Variants in CALN1 observed in about 807,000 individuals in gnomAD.
CALN1 encodes calcium-binding protein 8.
A neutral mutation model predicts 30.6 loss-of-function variants in CALN1; 17 were observed. That is an observed-to-expected ratio of 0.56 (90% CI 0.38 to 0.83). CALN1 has a LOEUF of 0.83. Ranked by LOEUF, CALN1 falls within the 40% of genes least tolerant of loss-of-function variation. CALN1 has a pLI of 0.00. For synonymous variants in CALN1, 156 were observed against 131.4 expected, an observed-to-expected ratio of 1.19 and a Z score of -1.28; for missense variants, 291 against 354.9, an observed-to-expected ratio of 0.82 and a Z score of 1.45.
At chr7:72,181,991 T>C (rs1432804856) in intron 3 of CALN1, among the ~76,000 whole-genome samples, 1 of 152,206 alleles carries the variant, frequency 6.6e-6, no homozygotes, top group African/African-American at 2.4e-5. Context: ...AGCAGCTGTT[T>C]ATAAACACAG....
chr7:71,795,272 G>T (rs1014399105), intron 6 of CALN1, among the ~76,000 whole-genome samples: 1 of 151,960 alleles, frequency 6.6e-6, no homozygotes, highest in Non-Finnish European at 1.5e-5. Context: ...CATCCGCCTC[G>T]GCCTCCCAAA....
At chr7:71,948,653 C>T (rs1461492826) in intron 5 of CALN1, among the ~76,000 whole-genome samples, 1 of 150,852 alleles carries the variant, frequency 6.6e-6, no homozygotes, top group Admixed American at 6.6e-5. Flanking sequence ...ATCGCTTGAA[C>T]ACAGGAGGTA....
rs149108597 is a variant in CALN1, at chr7:72,281,822, T to G, written c.120-3012A>C. Among the ~76,000 whole-genome samples, 44 of 152,256 alleles carry G rather than the reference T, an allele frequency of 2.9e-4. No homozygotes were observed. In the East Asian group the frequency reaches 3.5e-3, roughly 12 times the overall value. On this transcript the variant is annotated intron_variant, in intron 2 of 6. Transcript: ENST00000395275. ...TACAGTCATAATAAGGATGTTATAC[T>G]CAAGCAAGCATCTCCAACCCACGCC...
At chr7:72,312,040 T>C (rs996521026) in intron 2 of CALN1, among the ~76,000 whole-genome samples, 5 of 152,044 alleles carry the variant, frequency 3.3e-5, no homozygotes, top group Non-Finnish European at 1.5e-5. Context: ...CCCCAAAGGA[T>C]ACTGTTGACA....
intron 5 of CALN1, among the ~76,000 whole-genome samples, chr7:71,923,250 C>T (rs953252476): frequency 6.6e-6 from 1 of 152,192 alleles, no homozygotes; most frequent in Non-Finnish European, 1.5e-5. Context: ...AAAAAGCCTA[C>T]AGCCAACCTC....
At position 72,177,909 on chromosome 7, in the gene CALN1, C is replaced by T. The variant is rs6971147; in HGVS notation, c.245-71615G>A. Among the ~76,000 whole-genome samples the T allele has an allele frequency of 1.0e-3, 158 of 152,228 alleles. 1 individual carries two copies. The highest frequency in any genetic ancestry group is 3.6e-3 in the African/African-American group (151 of 41,544). On this transcript the variant is annotated intron_variant, in intron 3 of 6. Coordinates refer to ENST00000395275, the MANE Select transcript of CALN1 (RefSeq NM_031468.4). ...GTTCGCGTCCCTTAGCACCTCCACC[C>T]GGTGCTGATCCAGGGCAACAATAAA...
chr7:71,989,331 A>T (rs1338875856), intron 5 of CALN1, among the ~76,000 whole-genome samples: 1 of 152,122 alleles, frequency 6.6e-6, no homozygotes, highest in Non-Finnish European at 1.5e-5. Flanking sequence ...CCAGCTACTC[A>T]GGAGGCTGAG....
chr7:72,011,488 T>C (rs1800079910), intron 5 of CALN1, among the ~76,000 whole-genome samples: 1 of 152,176 alleles, frequency 6.6e-6, no homozygotes, highest in South Asian at 2.1e-4. Context: ...AGACCCCTGT[T>C]CCCTCTCCTG....
chr7:71,852,967 G>A (rs913124140), intron 5 of CALN1, among the ~76,000 whole-genome samples: 18 of 152,232 alleles, frequency 1.2e-4, no homozygotes, highest in Non-Finnish European at 2.5e-4. Flanking sequence ...TTCTGCTTAC[G>A]ACTCTTTTCT....
intron 2 of CALN1, among the ~76,000 whole-genome samples, chr7:72,355,326 G>C (rs1803162486): frequency 6.6e-6 from 1 of 151,442 alleles, no homozygotes; most frequent in South Asian, 2.1e-4. Context: ...AGGAGTTCAA[G>C]ACCAGCCTGG....
At position 72,040,323 on chromosome 7, in the gene CALN1, T is replaced by TA. The variant is rs11316833; in HGVS notation, c.389-16555dup. Among the ~76,000 whole-genome samples the TA allele has an allele frequency of 3.0e-3, 423 of 141,722 alleles. 1 individual carries two copies. Among genetic ancestry groups the TA allele is most frequent in the East Asian group, 4.9e-3 (23 of 4,714 alleles). The allele number at this position is 141,722 out of a possible 152,430, so 93.0% of individuals were successfully genotyped here. On this transcript the variant is annotated intron_variant, in intron 4 of 6. Coordinates refer to ENST00000395275, the MANE Select transcript of CALN1 (RefSeq NM_031468.4). ...GAGCTCATCCTTACAAAAATTACAA[T>TA]AAAAAAAAAAAAATAGCCAGCTGTG...
intron 6 of CALN1, among the ~76,000 whole-genome samples, chr7:71,806,586 C>T (rs189994548): frequency 9.9e-5 from 15 of 152,194 alleles, no homozygotes; most frequent in Admixed American, 8.5e-4. Flanking sequence ...GGATTACAGG[C>T]GTGAGCCATT....
At chr7:72,081,337 G>C (rs1408781779) in intron 4 of CALN1, among the ~76,000 whole-genome samples, 1 of 150,260 alleles carries the variant, frequency 6.7e-6, no homozygotes, top group African/African-American at 2.4e-5. Flanking sequence ...TAGAATTGCA[G>C]GAAGTCACAA....
chr7:72,447,552 ACTGC>A (rs755939007), upstream of CALN1, among the ~76,000 whole-genome samples: 1 of 152,146 alleles, frequency 6.6e-6, no homozygotes, highest in East Asian at 1.9e-4. Flanking sequence ...TGCACGGGAC[ACTGC>A]CTGGGGAAAG....
At chr7:71,969,299 G>A (rs80241811) in intron 5 of CALN1, among the ~76,000 whole-genome samples, 2 of 152,136 alleles carry the variant, frequency 1.3e-5, no homozygotes, top group East Asian at 3.9e-4. Flanking sequence ...TGTCTGACAT[G>A]CATTCTCGGT....
Position 71,812,932 on chromosome 7 carries a change from T to TC in CALN1, c.502-2441_502-2440insG, listed in dbSNP as rs1562802121. ...CTATTTTATTTATCATCATCATCAT[T>TC]ATTATTATTATTATTATTATTATTA... On this transcript the variant is annotated intron_variant, in intron 5 of 6. Transcript: ENST00000395275. Among the ~76,000 whole-genome samples, 102 of 27,960 alleles carry TC rather than the reference T, an allele frequency of 3.6e-3. 1 individual carries two copies. Among genetic ancestry groups the TC allele is most frequent in the African/African-American group, 5.3e-3 (73 of 13,744 alleles). 18.3% of individuals were successfully genotyped at this position (27,960 alleles called of 152,430 possible). A position where few individuals can be genotyped will look rare whatever the true frequency, so the allele number is the denominator to read the frequency against.
chr7:72,227,203 G>T (rs1348213719), intron 3 of CALN1, among the ~76,000 whole-genome samples: 1 of 149,414 alleles, frequency 6.7e-6, no homozygotes, highest in South Asian at 2.1e-4. Context: ...TAACAAATCT[G>T]CACAGTACCC....
At chr7:72,237,441 C>A (rs546842075) in intron 3 of CALN1, among the ~76,000 whole-genome samples, 56 of 152,168 alleles carry the variant, frequency 3.7e-4, no homozygotes, top group African/African-American at 1.3e-3. Flanking sequence ...CAGGGAGAGA[C>A]GACAGGGCCA....
chr7:72,077,949 G>A (rs531124641), intron 4 of CALN1, among the ~76,000 whole-genome samples: 6 of 152,288 alleles, frequency 3.9e-5, no homozygotes, highest in African/African-American at 9.6e-5. Flanking sequence ...CCTGTCAAAC[G>A]CTGAGAGAGG....
Sources: allele counts gnomAD v4.1 joint callset (sites outside exome capture counted in the v4.1 genomes callset), GRCh38; gene constraint gnomAD v4.1.1; transcripts MANE v1.5; gene names NCBI Gene and HGNC (gene_info 2026-07-23, HGNC 2026-07-21).